The following TTLL11 variants were observed in gnomAD, a reference collection of about 807,000 sequenced individuals.
The protein encoded by TTLL11 is tubulin polyglutamylase TTLL11.
Under a neutral mutation model 51.7 loss-of-function variants are expected in TTLL11, and 42 were observed. The observed-to-expected ratio is 0.81, with a 90% CI of 0.64 to 1.05. TTLL11 has a LOEUF of 1.05. Among genes scored for constraint, TTLL11 ranks in the 50% least tolerant of loss-of-function variants. The pLI is 0.00. For missense variants in TTLL11, 799 were observed against 940.4 expected (o/e 0.85, Z 1.97); for synonymous variants, 381 against 383.5 (o/e 0.99, Z 0.08).
chr9:121,841,936 G>A (rs533324200), intron 8 of TTLL11, among the ~76,000 whole-genome samples: 14 of 152,230 alleles, frequency 9.2e-5, no homozygotes, highest in Non-Finnish European at 5.9e-5. Flanking sequence ...AGACTTCAGG[G>A]AAGACATGGA....
intron 3 of TTLL11, among the ~76,000 whole-genome samples, chr9:121,991,066 G>A (rs953084410): frequency 4.6e-5 from 7 of 152,192 alleles, no homozygotes; most frequent in Non-Finnish European, 8.8e-5. Context: ...AGCTTCTGGT[G>A]TGAAAGTTCC....
intron 3 of TTLL11, among the ~76,000 whole-genome samples, chr9:121,993,568 C>G (rs1310097691): frequency 6.6e-6 from 1 of 152,222 alleles, no homozygotes; most frequent in African/African-American, 2.4e-5. Context: ...CAGTCGAAGG[C>G]TGCGTTACAA....
At chr9:122,007,179 G>A (rs765796585) in intron 3 of TTLL11, among the ~76,000 whole-genome samples, 8 of 151,922 alleles carry the variant, frequency 5.3e-5, no homozygotes, top group Non-Finnish European at 1.2e-4. Flanking sequence ...GTAGCAATAA[G>A]CACACCTGGC....
At chr9:121,986,746 C>T (rs893405537) in intron 4 of TTLL11, among the ~76,000 whole-genome samples, 7 of 152,046 alleles carry the variant, frequency 4.6e-5, no homozygotes, top group Non-Finnish European at 8.8e-5. Context: ...TTTGAGGCTG[C>T]ACTTTGGGAC....
At chr9:121,960,431 G>A (rs553419766) in intron 6 of TTLL11, among the ~76,000 whole-genome samples, 2 of 152,192 alleles carry the variant, frequency 1.3e-5, no homozygotes, top group African/African-American at 4.8e-5. Flanking sequence ...TGCTCTGAGA[G>A]CCCCATGTCC....
At chr9:121,997,354 G>A (rs143388703) in intron 3 of TTLL11, among the ~76,000 whole-genome samples, 15 of 152,158 alleles carry the variant, frequency 9.9e-5, no homozygotes, top group African/African-American at 3.4e-4. Flanking sequence ...AGCCCTGCCT[G>A]GCCTCCCCAC....
chr9:121,871,542 C>A (rs1347500329), intron 6 of TTLL11, among the ~76,000 whole-genome samples: 1 of 152,174 alleles, frequency 6.6e-6, no homozygotes, highest in Non-Finnish European at 1.5e-5. Flanking sequence ...TCTGCCCCTG[C>A]TTGGACTGTA....
At chr9:121,872,869 GC>G (rs977417952) in intron 6 of TTLL11, among the ~76,000 whole-genome samples, 4 of 152,212 alleles carry the variant, frequency 2.6e-5, no homozygotes, top group African/African-American at 9.6e-5. Flanking sequence ...AGGCGAATGT[GC>G]CCAAAGGGCT....
intron 1 of TTLL11, among the ~76,000 whole-genome samples, chr9:122,045,846 A>G (rs1050359995): frequency 1.3e-5 from 2 of 152,232 alleles, no homozygotes; most frequent in African/African-American, 4.8e-5. Flanking sequence ...TAGAGTAGTC[A>G]AATTCATAGA....
At chr9:122,080,183 G>A (rs1845966423) in intron 1 of TTLL11, among the ~76,000 whole-genome samples, 1 of 152,096 alleles carries the variant, frequency 6.6e-6, no homozygotes, top group African/African-American at 2.4e-5. Context: ...AGGGCCCATA[G>A]GTTGGAGAAG....
At chr9:122,016,981 C>T (rs924586713) in intron 3 of TTLL11, among the ~76,000 whole-genome samples, 4 of 152,186 alleles carry the variant, frequency 2.6e-5, no homozygotes, top group Non-Finnish European at 5.9e-5. Context: ...CACTCGCTTC[C>T]GCCTGGTGCC....
At chr9:121,920,319 T>A (rs1191907488) in intron 6 of TTLL11, among the ~76,000 whole-genome samples, 1 of 152,090 alleles carries the variant, frequency 6.6e-6, no homozygotes, top group Non-Finnish European at 1.5e-5. Flanking sequence ...TTTTTTTTTA[T>A]AAATTCAATG....
intron 6 of TTLL11, among the ~76,000 whole-genome samples, chr9:121,882,350 C>T (rs1436062264): frequency 1.3e-5 from 2 of 152,164 alleles, no homozygotes; most frequent in African/African-American, 2.4e-5. Context: ...CCCTCCTGGC[C>T]GCAGCACGAG....
intron 3 of TTLL11, among the ~76,000 whole-genome samples, chr9:122,022,733 T>G (rs1844217055): frequency 6.6e-6 from 1 of 152,032 alleles, no homozygotes; most frequent in African/African-American, 2.4e-5. Flanking sequence ...GAGTAAATAT[T>G]TAAAATTATT....
At chr9:121,856,439 A>T (rs1837821647) in intron 8 of TTLL11, among the ~76,000 whole-genome samples, 1 of 152,156 alleles carries the variant, frequency 6.6e-6, no homozygotes. Context: ...CCATCTGTTG[A>T]ATGGGAATAA....
intron 3 of TTLL11, among the ~76,000 whole-genome samples, chr9:122,015,762 C>A (rs1189553302): frequency 6.8e-6 from 1 of 147,954 alleles, no homozygotes; most frequent in Non-Finnish European, 1.5e-5. Context: ...GCAGATACCC[C>A]TGGCCTCAAA....
chr9:121,910,240 G>A (rs975550494), intron 6 of TTLL11, among the ~76,000 whole-genome samples: 1 of 152,174 alleles, frequency 6.6e-6, no homozygotes, highest in Non-Finnish European at 1.5e-5. Flanking sequence ...TTTTGCAAAT[G>A]ACCTTGACCC....
intron 6 of TTLL11, among the ~76,000 whole-genome samples, chr9:121,903,721 A>G (rs1374901572): frequency 6.6e-6 from 1 of 152,212 alleles, no homozygotes; most frequent in Non-Finnish European, 1.5e-5. Flanking sequence ...ACACACAGAT[A>G]TCCCATAGGC....
At chr9:121,903,796 T>A (rs1214927851) in intron 6 of TTLL11, among the ~76,000 whole-genome samples, 1 of 152,208 alleles carries the variant, frequency 6.6e-6, no homozygotes, top group Non-Finnish European at 1.5e-5. Flanking sequence ...ACTTCGTGAA[T>A]CTGTCAGTAA....
Sources: allele counts gnomAD v4.1 joint callset (sites outside exome capture counted in the v4.1 genomes callset), GRCh38; gene constraint gnomAD v4.1.1; transcripts MANE v1.5; gene names NCBI Gene and HGNC (gene_info 2026-07-23, HGNC 2026-07-21).